The following P4HTM variants were observed in gnomAD, a reference collection of about 807,000 sequenced individuals.
P4HTM encodes the protein transmembrane prolyl 4-hydroxylase.
A neutral mutation model predicts 55.3 loss-of-function variants in P4HTM; 33 were observed. The observed-to-expected ratio is 0.60, with a 90% CI of 0.45 to 0.80. P4HTM has a LOEUF of 0.80. Ranked by LOEUF, P4HTM falls within the 30% of genes least tolerant of loss-of-function variation. The pLI, the probability that P4HTM is intolerant of heterozygous loss-of-function variation, is 0.00. For missense variants in P4HTM, 542 were observed against 696.5 expected (o/e 0.78, Z 2.50); for synonymous variants, 272 against 286.4 (o/e 0.95, Z 0.51).
rs1460281316 is a variant in P4HTM, at chr3:49,001,518, A to C, written c.517A>C (p.Ile173Leu). Residue 173 changes from isoleucine (I) to leucine (L), a missense_variant, in exon 3 of 9, where the codon ATC (isoleucine) becomes CTC (leucine). This residue lies in a region of P4HTM where 536 missense variants were observed against 672.1 expected (regional missense o/e 0.80). Transcript: ENST00000383729. ...AQMKGLQRSQ[I>L]LPTEEYEEAM... is the part of the protein sequence containing the mutation. ...GATGAAGGGGTTACAGCGCAGCCAG[A>C]TCCTGCCTACTGAAGAGTATGAAGA... 1.2e-5 allele frequency: 20 copies of C among 1,613,790 alleles called. No homozygotes were observed. The highest frequency in any genetic ancestry group is 1.7e-5 in the Non-Finnish European group (20 of 1,180,012).
intron 2 of P4HTM, among the ~76,000 whole-genome samples, chr3:48,993,409 A>T (rs2092936604): frequency 1.3e-5 from 2 of 152,134 alleles, no homozygotes; most frequent in Non-Finnish European, 2.9e-5. Flanking sequence ...TCACCCCATT[A>T]CTACTACACT....
chr3:49,006,736 C>T lies in P4HTM; in HGVS notation c.1338C>T (p.Val446=), dbSNP rs752277990. The part of the protein sequence containing the change: ...DDYSLHGGCL[V]TRGTKWIANN... ...ACTCGCTGCACGGGGGCTGCCTGGTCACGCGCGGCACCAAGTGGATTGCCA... is the reference window on the plus strand; with the variant it reads ...ACTCGCTGCACGGGGGCTGCCTGGTTACGCGCGGCACCAAGTGGATTGCCA... The change falls in exon 9 of 9, where the codon GTC becomes GTT. Residue 446 remains valine, a synonymous_variant. Coordinates refer to ENST00000383729, the MANE Select transcript of P4HTM (RefSeq NM_177939.3). 3 of 1,613,740 alleles carry T rather than the reference C, an allele frequency of 1.9e-6. No individual in the cohort carries two copies. Among genetic ancestry groups the T allele is most frequent in the Non-Finnish European group, 2.5e-6 (3 of 1,180,044 alleles).
chr3:49,001,490 G>T lies in P4HTM; in HGVS notation c.489G>T (p.Ala163=). 1 of 1,613,888 alleles carries T rather than the reference G, an allele frequency of 6.2e-7. No homozygotes were observed. Among genetic ancestry groups the T allele is most frequent in the Non-Finnish European group, 8.5e-7 (1 of 1,180,010 alleles). ...DEECRLIIHL[A]QMKGLQRSQI... Reference sequence around the variant, plus strand: ...AGTGTCGGCTCATCATCCATCTGGCGCAGATGAAGGGGTTACAGCGCAGCC... The same window carrying T: ...AGTGTCGGCTCATCATCCATCTGGCTCAGATGAAGGGGTTACAGCGCAGCC... Residue 163 remains alanine, a synonymous_variant, in exon 3 of 9, where the codon GCG becomes GCT. Transcript: ENST00000383729.
Position 49,004,165 on chromosome 3 carries a change from C to A in P4HTM, c.792C>A (p.His264Gln). Residue 264 changes from histidine (H) to glutamine (Q), a missense_variant, in exon 5 of 9, where the codon CAC (histidine) becomes CAA (glutamine). By Grantham distance (24) the His-to-Gln change is conservative. Around this residue, in one of 2 missense-constraint regions of P4HTM, gnomAD observed 536 missense variants for 672.1 expected, o/e 0.80. Transcript: ENST00000383729. Reference protein sequence around the residue: ...LRDFHKYMRSHKAESSELVRN... With the variant: ...LRDFHKYMRSQKAESSELVRN... ...ACTTCCACAAGTACATGAGGAGCCA[C>A]AAGGCAGAGTCCAGTGAGCTGGTGC... 1 of 1,551,268 alleles carries A rather than the reference C, an allele frequency of 6.4e-7. No individual in the cohort carries two copies. Among genetic ancestry groups the A allele is most frequent in the Non-Finnish European group, 8.7e-7 (1 of 1,147,616 alleles).
In P4HTM at chr3:49,006,801, C is replaced by G. The variant is rs1006948711; in HGVS notation, c.1403C>G (p.Ala468Gly). ...INVDPSRARQ[A>G]LFQQEMARLA... The stretch of plus-strand genomic sequence containing the variant: ...GTGGACCCCAGCCGAGCGCGGCAAG[C>G]GCTGTTCCAACAGGAGATGGCCCGC... The change falls in exon 9 of 9, where the codon GCG becomes GGG. Residue 468 changes from alanine (A) to glycine (G), a missense_variant. Transcript: ENST00000383729. The G allele has an allele frequency of 2.5e-6, 4 of 1,613,378 alleles. No homozygotes were observed. Among genetic ancestry groups the G allele is most frequent in the Non-Finnish European group, 3.4e-6 (4 of 1,180,040 alleles).
At position 48,990,500 on chromosome 3, in the gene P4HTM, G is replaced by A. The variant is rs754098439; in HGVS notation, c.244G>A (p.Val82Met). 5 of 1,611,304 alleles carry A rather than the reference G, an allele frequency of 3.1e-6. No homozygotes were observed. Among genetic ancestry groups the A allele is most frequent in the Non-Finnish European group, 4.2e-6 (5 of 1,179,438 alleles). The change falls in exon 1 of 9, where the codon GTG becomes ATG. Residue 82 changes from valine to methionine, a missense_variant. Coordinates refer to ENST00000383729, the MANE Select transcript of P4HTM (RefSeq NM_177939.3). The surrounding 1 kb of genome is among the most constrained non-coding windows in gnomAD (Gnocchi z 7.2). ...TAACGTGCTGGCGCTGCTGCTCTTC[G>A]TGCACTACAGCAACGGCGACGAAAG... ...LGNVLALLLFVHYSNGDESSD... is the reference protein window; with the variant it reads ...LGNVLALLLFMHYSNGDESSD...
chr3:48,995,957 C>G lies in P4HTM; in HGVS notation c.436+5043C>G, dbSNP rs182296410. Among the ~76,000 whole-genome samples the G allele has an allele frequency of 2.0e-5, 3 of 152,308 alleles. No individual in the cohort carries two copies. In the East Asian group the frequency reaches 5.8e-4, roughly 29 times the overall value. On this transcript the variant is annotated intron_variant, in intron 2 of 8. Transcript: ENST00000383729. ...GCCCAGTCCAGCATCTGCCTGCTGG[C>G]TTAGAGCATCCTCCACGTATCCTTC...
At chr3:49,000,176 G>T (rs968251131) in intron 2 of P4HTM, among the ~76,000 whole-genome samples, 4 of 152,178 alleles carry the variant, frequency 2.6e-5, no homozygotes, top group African/African-American at 9.7e-5. Flanking sequence ...GGATTAAGGA[G>T]TTGATGTGTA....
At chr3:48,993,173 A>G (rs2092935767) in intron 2 of P4HTM, among the ~76,000 whole-genome samples, 1 of 151,890 alleles carries the variant, frequency 6.6e-6, no homozygotes. Flanking sequence ...GTTGTGGCAC[A>G]TGCCTGTAAT....
chr3:49,005,349 C>A, intron 6 of P4HTM: 1 of 1,421,640 alleles, frequency 7.0e-7, no homozygotes, highest in South Asian at 1.5e-5. Context: ...CCTGCCCATT[C>A]CTCCAGGTGT....
intron 4 of P4HTM, chr3:49,003,188 G>A (rs1348997763): frequency 1.4e-5 from 3 of 210,554 alleles, no homozygotes; most frequent in Non-Finnish European, 2.9e-5. Flanking sequence ...CTGAGGTGTG[G>A]TCATCACCCT....
Position 49,004,112 on chromosome 3 carries a change from CA to C in P4HTM, c.740del (p.Gln247ArgfsTer15). 6.4e-7 allele frequency: 1 copy of C among 1,557,186 alleles called. No homozygotes were observed. Among genetic ancestry groups the C allele is most frequent in the Non-Finnish European group, 8.7e-7 (1 of 1,150,852 alleles). On this transcript the variant is annotated frameshift_variant, in exon 5 of 9. Coordinates refer to ENST00000383729, the MANE Select transcript of P4HTM (RefSeq NM_177939.3). LOFTEE classifies it high-confidence loss of function. ...DPDGDGVLSL[Q>X]EFSNMDLRDF... ...GCCCTGTGCAGGAGTGCTGAGTCTG[CA>C]GGAGTTCTCCAACATGGACCTTCGG...
chr3:48,990,108 C>G, upstream of P4HTM: 1 of 697,164 alleles, frequency 1.4e-6, no homozygotes, highest in Non-Finnish European at 1.8e-6. This position sits in a 1 kb window ranked among gnomAD's most constrained non-coding sequence, Gnocchi z 7.2. Context: ...CCGGCGCGGA[C>G]GCAGGCGGCT....
chr3:48,995,208 C>T (rs940729629), intron 2 of P4HTM, among the ~76,000 whole-genome samples: 10 of 152,274 alleles, frequency 6.6e-5, no homozygotes, highest in Admixed American at 2.0e-4. Flanking sequence ...CCCCCACCCC[C>T]GACTCCATTT....
chr3:48,991,060 C>T, intron 2 of P4HTM, 146 bp downstream of exon 2: 1 of 630,870 alleles, frequency 1.6e-6, no homozygotes, highest in Non-Finnish European at 2.8e-6. Flanking sequence ...AAGGACCTTC[C>T]CCGTCCTCGA....
At chr3:49,001,704 C>T (rs1023121989) in intron 3 of P4HTM, 76 bp downstream of exon 3, 95 of 1,294,714 alleles carry the variant, frequency 7.3e-5, no homozygotes, top group Middle Eastern at 1.9e-4. Flanking sequence ...GGTCACTTGT[C>T]CAGCCCAGGC....
intron 5 of P4HTM, 45 bp from the exon 6 acceptor site, chr3:49,004,816 C>T (rs754460814): frequency 3.5e-5 from 55 of 1,566,934 alleles, no homozygotes; most frequent in Non-Finnish European, 4.5e-5. Flanking sequence ...CTTCAGATCA[C>T]CACCTTGCCT....
chr3:48,990,207 G>T, upstream of P4HTM: 14 of 1,131,230 alleles, frequency 1.2e-5, no homozygotes, highest in Non-Finnish European at 1.5e-5. This position sits in a 1 kb window ranked among gnomAD's most constrained non-coding sequence, Gnocchi z 7.2. Flanking sequence ...ACTGCGCAGC[G>T]CGGGCACCCC....
At position 48,990,642 on chromosome 3, in the gene P4HTM, G is replaced by T. The variant is rs1269252640; in HGVS notation, c.354+32G>T. The T allele has an allele frequency of 2.6e-6, 4 of 1,515,116 alleles. No homozygotes were observed. Among genetic ancestry groups the T allele is most frequent in the East Asian group, 2.5e-5 (1 of 40,624 alleles). The allele number at this position is 1,515,116 out of a possible 1,614,324, so 93.9% of individuals were successfully genotyped here. On this transcript the variant is annotated intron_variant, in intron 1 of 8. Transcript: ENST00000383729. The surrounding 1 kb of genome is among the most constrained non-coding windows in gnomAD (Gnocchi z 7.2). ...ACCTCCCTGCCCCGCCGCGCTCCAG[G>T]CCCTGCACGGCTGAGCCCGAGAGGA...
Sources: gnomAD v4.1 joint callset for allele counts (sites outside exome capture counted in the v4.1 genomes callset) on GRCh38, gnomAD v4.1.1 for gene constraint, gnomAD v4.1.1 regional missense constraint, Gnocchi (gnomAD v3.1) non-coding constraint, MANE v1.5 for transcripts, NCBI Gene and HGNC (gene_info 2026-07-23, HGNC 2026-07-21) for gene names.